PHF14: variants seen among roughly 807,000 people sequenced by gnomAD.
The protein encoded by PHF14 is PHD finger protein 14.
Under a neutral mutation model 117.9 loss-of-function variants are expected in PHF14, and 55 were observed. The observed-to-expected ratio is 0.47, with a 90% CI of 0.38 to 0.58. The LOEUF is 0.58. PHF14 is among the 20% of genes least tolerant of loss of function. The pLI, the probability that PHF14 is intolerant of heterozygous loss-of-function variation, is 0.00. For missense variants in PHF14, 978 were observed against 1,122.2 expected (o/e 0.87, Z 1.84); for synonymous variants, 409 against 368.6 (o/e 1.11, Z -1.26).
At chr7:11,128,239 A>G (rs907776504) in intron 17 of PHF14, among the ~76,000 whole-genome samples, 7 of 152,062 alleles carry the variant, frequency 4.6e-5, no homozygotes, top group African/African-American at 1.7e-4. Flanking sequence ...AGTTATTTCA[A>G]ATCTTTGACA....
At chr7:11,023,299 T>G (rs1388653288) in intron 6 of PHF14, among the ~76,000 whole-genome samples, 8 of 152,330 alleles carry the variant, frequency 5.3e-5, no homozygotes, top group Admixed American at 1.3e-4. Flanking sequence ...AAGCCTAATT[T>G]CTGACTTTAC....
chr7:11,061,451 A>T (rs1006060644), intron 14 of PHF14: 7 of 164,950 alleles, frequency 4.2e-5, no homozygotes, highest in Non-Finnish European at 6.5e-5. Flanking sequence ...AAGTTATGAA[A>T]ATTTAAATGC....
At chr7:11,091,988 A>G (rs563366277) in intron 16 of PHF14, among the ~76,000 whole-genome samples, 1 of 152,324 alleles carries the variant, frequency 6.6e-6, no homozygotes, top group South Asian at 2.1e-4. Context: ...TAGTTGAGTC[A>G]CAGGCTAACT....
At chr7:10,975,609 A>G (rs902658986) in intron 2 of PHF14, among the ~76,000 whole-genome samples, 6 of 152,236 alleles carry the variant, frequency 3.9e-5, no homozygotes, top group Admixed American at 6.5e-5. Flanking sequence ...TACCTTATGT[A>G]TATATACAGT....
Position 11,036,407 on chromosome 7 carries a change from T to G in PHF14, c.1603-11T>G. 1.3e-6 allele frequency: 2 copies of G among 1,581,988 alleles called. No homozygotes were observed. Among genetic ancestry groups the G allele is most frequent in the Admixed American group, 1.8e-5 (1 of 56,182 alleles). On this transcript the variant is annotated splice_polypyrimidine_tract_variant and intron_variant, in intron 8 of 17. Transcript: ENST00000634607. The stretch of plus-strand genomic sequence containing the variant: ...ATTATCTTTTAAAATTTGAATACAT[T>G]TCTTTTATAGGCAAGGATCAATGCC...
chr7:11,034,636 C>T (rs1464989550), intron 7 of PHF14, among the ~76,000 whole-genome samples: 1 of 143,296 alleles, frequency 7.0e-6, no homozygotes, highest in East Asian at 2.2e-4. Context: ...ACAACATCTC[C>T]CTCCTGTATT....
intron 17 of PHF14, among the ~76,000 whole-genome samples, chr7:11,136,697 G>A (rs527679122): frequency 1.3e-5 from 2 of 152,208 alleles, no homozygotes; most frequent in African/African-American, 4.8e-5. Flanking sequence ...TTTTGAATAT[G>A]TAGGGTAAAG....
At chr7:11,091,981 T>C (rs543190595) in intron 16 of PHF14, among the ~76,000 whole-genome samples, 33 of 152,276 alleles carry the variant, frequency 2.2e-4, no homozygotes, top group African/African-American at 7.7e-4. Flanking sequence ...CTTGGTTTAG[T>C]TGAGTCACAG....
chr7:11,058,573 T>C lies in PHF14; in HGVS notation c.2482-3218T>C, dbSNP rs78294348. 5.4e-3 allele frequency among the ~76,000 whole-genome samples: 819 copies of C among 152,338 alleles called. 5 individuals are homozygous for C. Among genetic ancestry groups the C allele is most frequent in the African/African-American group, 0.019 (780 of 41,590 alleles). On this transcript the variant is annotated intron_variant, in intron 14 of 17. Coordinates refer to ENST00000634607, the MANE Select transcript of PHF14 (RefSeq NM_001007157.2). The stretch of plus-strand genomic sequence containing the variant: ...TTTGGTAATGAATCAAGTTAGTATG[T>C]AGTATGGAGCTACCAAATTATGTAG...
intron 16 of PHF14, chr7:11,105,734 C>T: frequency 2.0e-6 from 2 of 984,738 alleles, no homozygotes; most frequent in Non-Finnish European, 2.4e-6. Flanking sequence ...CCATAGTGCT[C>T]ACTTTAAGGC....
chr7:11,089,961 G>A (rs941765926), intron 16 of PHF14, among the ~76,000 whole-genome samples: 2 of 152,094 alleles, frequency 1.3e-5, no homozygotes, highest in African/African-American at 4.8e-5. Context: ...AGTAAAGACG[G>A]GGTTTCTCCA....
intron 16 of PHF14, among the ~76,000 whole-genome samples, chr7:11,092,152 T>C (rs1786662879): frequency 6.6e-6 from 1 of 152,198 alleles, no homozygotes; most frequent in Non-Finnish European, 1.5e-5. Flanking sequence ...TTTAAAGTTG[T>C]GGAATATTTG....
intron 16 of PHF14, chr7:11,108,286 A>T (rs1211522714): frequency 6.6e-6 from 1 of 151,688 alleles, no homozygotes; most frequent in African/African-American, 2.4e-5. Context: ...CTTTACAAAG[A>T]TCTTATATTT....
intron 17 of PHF14, among the ~76,000 whole-genome samples, chr7:11,117,646 T>C (rs959301574): frequency 4.0e-5 from 6 of 151,360 alleles, no homozygotes; most frequent in Non-Finnish European, 7.4e-5. Flanking sequence ...TATAAATATA[T>C]ATTTTCAAGT....
chr7:11,140,216 C>T (rs1273921870), intron 17 of PHF14, among the ~76,000 whole-genome samples: 1 of 152,068 alleles, frequency 6.6e-6, no homozygotes, highest in Non-Finnish European at 1.5e-5. Flanking sequence ...CTACATAGCC[C>T]GTTATACGAC....
At chr7:11,071,242 T>G (rs1333243321) in intron 16 of PHF14, 3 of 518,282 alleles carry the variant, frequency 5.8e-6, no homozygotes, top group African/African-American at 3.8e-5. Context: ...GCTCTGATAT[T>G]CAAAGACTAT....
At chr7:11,117,543 A>C (rs2128344883) in intron 17 of PHF14, among the ~76,000 whole-genome samples, 1 of 130,346 alleles carries the variant, frequency 7.7e-6, no homozygotes, top group East Asian at 2.8e-4. Flanking sequence ...TCTTTTCTGC[A>C]TTGAAATAAA....
At position 11,130,931 on chromosome 7, in the gene PHF14, T is replaced by G. The variant is rs1736678627; in HGVS notation, c.2772+19464T>G. On this transcript the variant is annotated intron_variant, in intron 17 of 17. Transcript: ENST00000634607. This position sits in a 1 kb window ranked among gnomAD's most constrained non-coding sequence, Gnocchi z 4.2. The stretch of plus-strand genomic sequence containing the variant: ...CATATAGTATGTAGCCTGTTCAATT[T>G]GGCTTCTTTCCGTAAGCAATACGCA... 6.6e-6 allele frequency among the ~76,000 whole-genome samples: 1 copy of G among 152,004 alleles called. No homozygotes were observed. The highest frequency in any genetic ancestry group is 6.6e-5 in the Admixed American group (1 of 15,214).
intron 17 of PHF14, among the ~76,000 whole-genome samples, chr7:11,142,862 G>A (rs193064087): frequency 1.3e-5 from 2 of 152,126 alleles, no homozygotes; most frequent in East Asian, 3.9e-4. Context: ...ATAAAACTCC[G>A]TTAATGACTT....
Sources: gnomAD v4.1 joint callset for allele counts (sites outside exome capture counted in the v4.1 genomes callset) on GRCh38, gnomAD v4.1.1 for gene constraint, Gnocchi (gnomAD v3.1) non-coding constraint, MANE v1.5 for transcripts, NCBI Gene and HGNC (gene_info 2026-07-23, HGNC 2026-07-21) for gene names.